FAM90A24: variants seen among roughly 807,000 people sequenced by gnomAD.
The protein encoded by FAM90A24 is family with sequence similarity 90 member A24.
chr8:8,022,601 AGGGGCACGATGGT>A, the FAM90A24 span, among the ~76,000 whole-genome samples: 1 of 81,434 alleles, frequency 1.2e-5, no homozygotes, highest in African/African-American at 3.5e-5. Context: ...CAAAGTTCCA[AGGGGCACGATGGT>A]GAAGCCGATG....
chr8:8,022,541 A>G, the FAM90A24 span: 1 of 398,116 alleles, frequency 2.5e-6, no homozygotes, highest in South Asian at 4.1e-5. Flanking sequence ...TTCGGATACG[A>G]TGTTCCCTCG....
At chr8:8,022,614 T>A in the FAM90A24 span, among the ~76,000 whole-genome samples, 1 of 80,526 alleles carries the variant, frequency 1.2e-5, no homozygotes, top group Non-Finnish European at 2.8e-5. Flanking sequence ...GGCACGATGG[T>A]GAAGCCGATG....
At chr8:8,022,432 G>A in the FAM90A24 span, 1 of 391,402 alleles carries the variant, frequency 2.6e-6, no homozygotes, top group African/African-American at 2.3e-5. Context: ...GCCACAGGCA[G>A]CGATCCCACG....
chr8:8,022,643 G>A, the FAM90A24 span, among the ~76,000 whole-genome samples: 1 of 78,578 alleles, frequency 1.3e-5, no homozygotes, highest in Non-Finnish European at 2.8e-5. Flanking sequence ...GCAGCCAAAC[G>A]TGGCTATACA....
At chr8:8,022,569 AG>A in the FAM90A24 span, among the ~76,000 whole-genome samples, 1 of 84,986 alleles carries the variant, frequency 1.2e-5, no homozygotes, top group Non-Finnish European at 2.7e-5. Flanking sequence ...CACGGGACGG[AG>A]GAACTCTGAA....
At chr8:8,022,594 A>C in the FAM90A24 span, among the ~76,000 whole-genome samples, 1 of 80,522 alleles carries the variant, frequency 1.2e-5, no homozygotes, top group African/African-American at 3.7e-5. Flanking sequence ...AAGGACTCAA[A>C]GTTCCAAGGG....
At chr8:8,022,679 C>A in the FAM90A24 span, among the ~76,000 whole-genome samples, 2 of 72,522 alleles carry the variant, frequency 2.8e-5, no homozygotes, top group Non-Finnish European at 5.9e-5. Context: ...AGGGAGGTTG[C>A]CCCCAAGAGT....
chr8:8,022,694 C>G, the FAM90A24 span, among the ~76,000 whole-genome samples: 1 of 68,854 alleles, frequency 1.5e-5, no homozygotes, highest in Non-Finnish European at 3.0e-5. Flanking sequence ...AAGAGTCTCT[C>G]AAGGGACCTA....
chr8:8,020,099 AG>A, the FAM90A24 span: 12 of 1,305,962 alleles, frequency 9.2e-6, no homozygotes, highest in African/African-American at 1.8e-4. Context: ...CTGACACATG[AG>A]GGCTCTGAGC....
chr8:8,022,609 G>T, the FAM90A24 span, among the ~76,000 whole-genome samples: 1 of 81,008 alleles, frequency 1.2e-5, no homozygotes, highest in African/African-American at 3.5e-5. Flanking sequence ...CAAGGGGCAC[G>T]ATGGTGAAGC....
chr8:8,022,581 A>C, the FAM90A24 span, among the ~76,000 whole-genome samples: 1 of 83,796 alleles, frequency 1.2e-5, no homozygotes, highest in Non-Finnish European at 2.7e-5. Context: ...GAACTCTGAA[A>C]GGAAGGACTC....
the FAM90A24 span, among the ~76,000 whole-genome samples, chr8:8,021,975 C>G: frequency 0.07 from 8,872 of 127,200 alleles, no homozygotes; most frequent in East Asian, 0.14. Context: ...GCACGAAGCG[C>G]CCCCGCCTCT....
chr8:8,020,528 G>C, the FAM90A24 span: 1 of 719,796 alleles, frequency 1.4e-6, no homozygotes, highest in Non-Finnish European at 2.3e-6. Context: ...CTGGCCCGAA[G>C]CTGAGATTGG....
chr8:8,022,551 G>A, the FAM90A24 span, among the ~76,000 whole-genome samples: 1 of 85,434 alleles, frequency 1.2e-5, no homozygotes, highest in Admixed American at 1.6e-4. Flanking sequence ...ATGTTCCCTC[G>A]CAAAGCCCAC....
chr8:8,022,608 C>T, the FAM90A24 span, among the ~76,000 whole-genome samples: 3 of 81,030 alleles, frequency 3.7e-5, no homozygotes, highest in East Asian at 1.3e-3. Context: ...CCAAGGGGCA[C>T]GATGGTGAAG....
the FAM90A24 span, among the ~76,000 whole-genome samples, chr8:8,022,551 G>T: frequency 1.2e-5 from 1 of 85,522 alleles, no homozygotes; most frequent in East Asian, 1.2e-3. Flanking sequence ...ATGTTCCCTC[G>T]CAAAGCCCAC....
chr8:8,022,568 G>T, the FAM90A24 span, among the ~76,000 whole-genome samples: 1 of 85,002 alleles, frequency 1.2e-5, no homozygotes, highest in African/African-American at 3.3e-5. Flanking sequence ...CCACGGGACG[G>T]AGGAACTCTG....
At chr8:8,022,602 G>C in the FAM90A24 span, among the ~76,000 whole-genome samples, 1 of 81,312 alleles carries the variant, frequency 1.2e-5, no homozygotes, top group African/African-American at 3.5e-5. Context: ...AAAGTTCCAA[G>C]GGGCACGATG....
At chr8:8,022,576 C>T in the FAM90A24 span, among the ~76,000 whole-genome samples, 45 of 84,314 alleles carry the variant, frequency 5.3e-4, no homozygotes, top group Admixed American at 4.9e-4. Flanking sequence ...CGGAGGAACT[C>T]TGAAAGGAAG....
Sources: gnomAD v4.1 joint callset for allele counts (sites outside exome capture counted in the v4.1 genomes callset) on GRCh38, gnomAD v4.1.1 for gene constraint, MANE v1.5 for transcripts, NCBI Gene and HGNC (gene_info 2026-07-23, HGNC 2026-07-21) for gene names.